Variants in SORCS2 observed in about 807,000 individuals in gnomAD.
SORCS2 encodes the protein sortilin related VPS10 domain containing receptor 2.
A neutral mutation model predicts 141.6 loss-of-function variants in SORCS2; 100 were observed. That is an observed-to-expected ratio of 0.71 (90% CI 0.60 to 0.83). The LOEUF is 0.83. Ranked by LOEUF, SORCS2 falls within the 40% of genes least tolerant of loss-of-function variation. The pLI is 0.00. For missense variants in SORCS2, 1,646 were observed against 1,560.2 expected (o/e 1.05, Z -0.93); for synonymous variants, 789 against 676.9 (o/e 1.17, Z -2.57).
chr4:7,520,157 G>T (rs758739438), intron 2 of SORCS2, among the ~76,000 whole-genome samples: 1 of 152,188 alleles, frequency 6.6e-6, no homozygotes, highest in African/African-American at 2.4e-5. Flanking sequence ...GCACGGCACC[G>T]CTGGCTGCAG....
At chr4:7,554,113 A>ATT (rs1560381663) in intron 3 of SORCS2, among the ~76,000 whole-genome samples, 1 of 151,982 alleles carries the variant, frequency 6.6e-6, no homozygotes, top group Non-Finnish European at 1.5e-5. Flanking sequence ...TCATACGGAA[A>ATT]GGCCATAAGG....
At chr4:7,455,058 G>T (rs1188820538) in intron 2 of SORCS2, among the ~76,000 whole-genome samples, 2 of 90,016 alleles carry the variant, frequency 2.2e-5, no homozygotes, top group Non-Finnish European at 4.4e-5. Flanking sequence ...GGGGTCAGAT[G>T]CTGTGTTGGG....
intron 1 of SORCS2, among the ~76,000 whole-genome samples, chr4:7,388,152 A>G (rs867508014): frequency 5.4e-4 from 71 of 131,744 alleles, no homozygotes; most frequent in Admixed American, 1.5e-3. Context: ...ATGCGCACAG[A>G]TGCCCCCACA....
At chr4:7,529,744 T>C (rs1288634181) in intron 2 of SORCS2, among the ~76,000 whole-genome samples, 1 of 152,192 alleles carries the variant, frequency 6.6e-6, no homozygotes, top group Non-Finnish European at 1.5e-5. Context: ...ATCAGATCGA[T>C]CCTCTGCTAA....
intron 23 of SORCS2, among the ~76,000 whole-genome samples, chr4:7,732,970 G>T (rs1170768226): frequency 6.6e-6 from 1 of 150,582 alleles, no homozygotes; most frequent in Non-Finnish European, 1.5e-5. Context: ...TCCCCCTCTG[G>T]TGGATCCCAG....
chr4:7,697,699 G>A (rs1014574208), intron 12 of SORCS2, among the ~76,000 whole-genome samples: 1 of 152,164 alleles, frequency 6.6e-6, no homozygotes, highest in Non-Finnish European at 1.5e-5. Context: ...AGGCCAGGAG[G>A]GGGCTACGGG....
At chr4:7,654,257 G>A in intron 5 of SORCS2, 50 bp downstream of exon 5, 2 of 1,539,148 alleles carry the variant, frequency 1.3e-6, no homozygotes, top group Non-Finnish European at 1.8e-6. Context: ...GCTCTGGTGA[G>A]AGCACTTCCC....
Position 7,519,415 on chromosome 4 carries a change from G to A in SORCS2, c.549-12115G>A, listed in dbSNP as rs115288630. On this transcript the variant is annotated intron_variant, in intron 2 of 26. Transcript: ENST00000507866. The stretch of plus-strand genomic sequence containing the variant: ...CATAGTTTGGAACTCAAGTCAAATA[G>A]AGTCTCGTTTCATCCTTTCTGACCC... Among the ~76,000 whole-genome samples the A allele has an allele frequency of 3.7e-4, 56 of 152,306 alleles. 1 individual carries two copies. Among genetic ancestry groups the A allele is most frequent in the African/African-American group, 1.3e-3 (56 of 41,574 alleles).
At chr4:7,559,544 G>A (rs1056590874) in intron 3 of SORCS2, among the ~76,000 whole-genome samples, 1 of 152,116 alleles carries the variant, frequency 6.6e-6, no homozygotes, top group Non-Finnish European at 1.5e-5. Flanking sequence ...GCCAGCGGGG[G>A]CCCAGGTTAG....
chr4:7,315,845 G>A (rs1214209273), intron 1 of SORCS2, among the ~76,000 whole-genome samples: 1 of 152,172 alleles, frequency 6.6e-6, no homozygotes, highest in Non-Finnish European at 1.5e-5. Context: ...CCCCAGCAGT[G>A]TGGGGGAGTG....
chr4:7,673,580 A>G (rs1722917498), intron 8 of SORCS2, among the ~76,000 whole-genome samples: 1 of 152,204 alleles, frequency 6.6e-6, no homozygotes, highest in African/African-American at 2.4e-5. Flanking sequence ...ACCACACTTG[A>G]GAGAAAGCCC....
chr4:7,610,461 G>C (rs962194470), intron 3 of SORCS2, among the ~76,000 whole-genome samples: 3 of 152,146 alleles, frequency 2.0e-5, no homozygotes, highest in Non-Finnish European at 4.4e-5. Flanking sequence ...TCTGCACGAG[G>C]CCCCCCGGGT....
At chr4:7,463,393 A>G (rs1247058147) in intron 2 of SORCS2, among the ~76,000 whole-genome samples, 5 of 152,144 alleles carry the variant, frequency 3.3e-5, no homozygotes, top group Non-Finnish European at 5.9e-5. Context: ...TCACTCACAT[A>G]TTCTGAAAAG....
intron 12 of SORCS2, among the ~76,000 whole-genome samples, chr4:7,700,921 C>T (rs375902640): frequency 7.9e-4 from 121 of 152,350 alleles, no homozygotes; most frequent in African/African-American, 2.8e-3. Flanking sequence ...AGCTGTGTGG[C>T]TTCAGGCAAG....
At chr4:7,689,131 A>C (rs1453862383) in intron 10 of SORCS2, among the ~76,000 whole-genome samples, 19 of 152,070 alleles carry the variant, frequency 1.2e-4, no homozygotes, top group Admixed American at 1.2e-3. Flanking sequence ...AAGAGCCCTC[A>C]GTGGGAGAAG....
At chr4:7,659,932 G>C (rs6831329) in intron 5 of SORCS2, among the ~76,000 whole-genome samples, 1,920 of 152,314 alleles carry the variant, frequency 0.013, 47 homozygotes, top group African/African-American at 0.043. Flanking sequence ...ACAGAACCTG[G>C]GTAGTGGATC....
Position 7,566,066 on chromosome 4 carries a change from G to T in SORCS2, c.648+34437G>T, listed in dbSNP as rs184707930. Among the ~76,000 whole-genome samples, 249 of 148,736 alleles carry T rather than the reference G, an allele frequency of 1.7e-3. 16 individuals carry two copies. The highest frequency in any genetic ancestry group is 2.6e-3 in the Non-Finnish European group (174 of 67,090). ...TGATGGCGATGGTGATGATGATGATGGTGATGACGGTAATGATGACAGAGA... is the reference window on the plus strand; with the variant it reads ...TGATGGCGATGGTGATGATGATGATTGTGATGACGGTAATGATGACAGAGA... On this transcript the variant is annotated intron_variant, in intron 3 of 26. Transcript: ENST00000507866.
At chr4:7,591,813 C>T (rs1168542147) in intron 3 of SORCS2, among the ~76,000 whole-genome samples, 2 of 152,154 alleles carry the variant, frequency 1.3e-5, no homozygotes, top group Admixed American at 6.5e-5. Context: ...GGGTGCCCGC[C>T]GCACGGATGG....
At chr4:7,733,490 C>G in intron 24 of SORCS2, 69 bp downstream of exon 24, 1 of 1,285,794 alleles carries the variant, frequency 7.8e-7, no homozygotes, top group Admixed American at 2.4e-5. Context: ...AGCCATGTCC[C>G]TGCAGGGCCC....
Sources: gnomAD v4.1 joint callset for allele counts (sites outside exome capture counted in the v4.1 genomes callset) on GRCh38, gnomAD v4.1.1 for gene constraint, MANE v1.5 for transcripts, NCBI Gene and HGNC (gene_info 2026-07-23, HGNC 2026-07-21) for gene names.